Variants in PIP5K1B observed in about 807,000 individuals in gnomAD.
PIP5K1B encodes the protein phosphatidylinositol 4-phosphate 5-kinase type-1 beta.
Under a neutral mutation model 67.0 loss-of-function variants are expected in PIP5K1B, and 42 were observed. The observed-to-expected ratio is 0.63, with a 90% confidence interval of 0.49 to 0.81. The LOEUF (loss-of-function observed/expected upper bound fraction) is 0.81, where lower values mean the gene tolerates loss of function less well. Ranked by LOEUF, PIP5K1B falls within the 30% of genes least tolerant of loss-of-function variation. PIP5K1B has a pLI of 0.00. For missense variants in PIP5K1B, 459 were observed against 646.3 expected (o/e 0.71, Z 3.14); for synonymous variants, 214 against 231.4 (o/e 0.92, Z 0.68).
intron 2 of PIP5K1B, chr9:68,781,072 T>G (rs769533563): frequency 1.9e-6 from 3 of 1,571,818 alleles, no homozygotes; most frequent in Non-Finnish European, 2.6e-6. Flanking sequence ...AGAGAGAGAA[T>G]AATCTAGTTG....
intron 14 of PIP5K1B, among the ~76,000 whole-genome samples, chr9:68,955,233 C>T (rs1007635672): frequency 6.6e-6 from 1 of 152,204 alleles, no homozygotes; most frequent in African/African-American, 2.4e-5. Context: ...TTGAGATGCC[C>T]ATGCTTGACT....
rs772335388 is a variant in PIP5K1B, at chr9:68,873,281, C to CTT, written c.201-3377_201-3376dup. On this transcript the variant is annotated intron_variant, in intron 5 of 15. Transcript: ENST00000265382. ...TATTTTTTTAAGTTAACTTTCTGAT[C>CTT]TTTTTTTTTTTTTTTTTTTTGTCTG... Among the ~76,000 whole-genome samples the CTT allele has an allele frequency of 3.2e-3, 293 of 90,640 alleles. 11 individuals carry two copies. Among genetic ancestry groups the CTT allele is most frequent in the African/African-American group, 7.9e-3 (178 of 22,510 alleles). The allele number at this position is 90,640 out of a possible 152,430, so 59.5% of individuals were successfully genotyped here.
chr9:68,922,495 G>A (rs1174921709), intron 11 of PIP5K1B, among the ~76,000 whole-genome samples: 1 of 113,588 alleles, frequency 8.8e-6, no homozygotes, highest in African/African-American at 3.0e-5. Flanking sequence ...GAATCCATAA[G>A]CCTGAATTCA....
intron 5 of PIP5K1B, among the ~76,000 whole-genome samples, chr9:68,866,316 A>T (rs1324934935): frequency 6.6e-6 from 1 of 151,790 alleles, no homozygotes; most frequent in African/African-American, 2.4e-5. Context: ...AAAAGAAAAA[A>T]ATTACCTCCC....
chr9:68,802,689 T>A (rs925436816), intron 2 of PIP5K1B, among the ~76,000 whole-genome samples: 1 of 151,588 alleles, frequency 6.6e-6, no homozygotes, highest in Non-Finnish European at 1.5e-5. Context: ...AGCCTGAGAG[T>A]GAAGGGGATG....
chr9:68,941,230 G>A (rs1827545721), intron 14 of PIP5K1B: 1 of 399,452 alleles, frequency 2.5e-6, no homozygotes, highest in African/African-American at 2.1e-5. Context: ...CCTAATTCCT[G>A]TAACCTGTGA....
At chr9:68,794,270 C>T (rs993494222) in intron 2 of PIP5K1B, among the ~76,000 whole-genome samples, 2 of 152,088 alleles carry the variant, frequency 1.3e-5, no homozygotes, top group Admixed American at 1.3e-4. Context: ...GGAACTGAAG[C>T]GAAAGGTCAT....
chr9:68,925,317 A>ATG (rs200791685), intron 12 of PIP5K1B, among the ~76,000 whole-genome samples: 4 of 151,912 alleles, frequency 2.6e-5, no homozygotes, highest in Admixed American at 6.6e-5. Context: ...GTAACTGCGC[A>ATG]GATAGATTGT....
chr9:68,936,597 T>G (rs1025340390), intron 13 of PIP5K1B, among the ~76,000 whole-genome samples: 10 of 152,188 alleles, frequency 6.6e-5, no homozygotes, highest in Admixed American at 1.3e-4. Context: ...TCAGAGTCTT[T>G]AAGATGTGGT....
At chr9:68,933,641 T>TA in intron 12 of PIP5K1B, among the ~76,000 whole-genome samples, 1 of 152,254 alleles carries the variant, frequency 6.6e-6, no homozygotes, top group South Asian at 2.1e-4. Flanking sequence ...TTTCTGGGCC[T>TA]AAAAAAGGGC....
intron 6 of PIP5K1B, among the ~76,000 whole-genome samples, chr9:68,879,655 A>T (rs542548557): frequency 6.6e-6 from 1 of 152,312 alleles, no homozygotes; most frequent in East Asian, 1.9e-4. Context: ...CATGGTGACT[A>T]TAGGTAATAA....
At chr9:68,975,462 G>A (rs1829592673) in intron 14 of PIP5K1B, among the ~76,000 whole-genome samples, 1 of 152,188 alleles carries the variant, frequency 6.6e-6, no homozygotes, top group Non-Finnish European at 1.5e-5. Context: ...CTTCCTAAAA[G>A]TTAAGGTGTT....
chr9:68,762,342 T>C (rs1398548270), intron 2 of PIP5K1B, among the ~76,000 whole-genome samples: 1 of 152,158 alleles, frequency 6.6e-6, no homozygotes, highest in African/African-American at 2.4e-5. Flanking sequence ...GGAATGTTGT[T>C]TTTCTGAATA....
chr9:68,972,272 G>T (rs938182721), intron 14 of PIP5K1B, among the ~76,000 whole-genome samples: 1 of 152,106 alleles, frequency 6.6e-6, no homozygotes, highest in African/African-American at 2.4e-5. Context: ...GTTTTTGTCA[G>T]GTTTGTCAAA....
chr9:68,891,971 C>T (rs1248652931), intron 7 of PIP5K1B, among the ~76,000 whole-genome samples: 1 of 151,924 alleles, frequency 6.6e-6, no homozygotes, highest in Non-Finnish European at 1.5e-5. Context: ...AAGTGGAAAA[C>T]ATAAACAATC....
intron 8 of PIP5K1B, among the ~76,000 whole-genome samples, chr9:68,916,900 G>A (rs962793029): frequency 1.3e-5 from 2 of 151,404 alleles, no homozygotes; most frequent in Admixed American, 1.3e-4. Context: ...GAGGTTTTGA[G>A]AAGAAGACCA....
At chr9:68,900,719 C>T (rs990002247) in intron 8 of PIP5K1B, among the ~76,000 whole-genome samples, 3 of 151,960 alleles carry the variant, frequency 2.0e-5, no homozygotes, top group Admixed American at 6.6e-5. Flanking sequence ...TTTGTTGAGC[C>T]GCATGTTATT....
chr9:68,930,715 A>T (rs1414227839), intron 12 of PIP5K1B, among the ~76,000 whole-genome samples: 2 of 152,090 alleles, frequency 1.3e-5, no homozygotes, highest in Non-Finnish European at 2.9e-5. Flanking sequence ...AGTTTAAAAT[A>T]TAAATCTGCT....
At chr9:68,864,073 G>GC in intron 5 of PIP5K1B, 106 bp downstream of exon 5, 1 of 996,366 alleles carries the variant, frequency 1.0e-6, no homozygotes. Context: ...ATGTACAGAT[G>GC]TGAATATTGG....
Sources: allele counts gnomAD v4.1 joint callset (sites outside exome capture counted in the v4.1 genomes callset), GRCh38; gene constraint gnomAD v4.1.1; transcripts MANE v1.5; gene names NCBI Gene and HGNC (gene_info 2026-07-23, HGNC 2026-07-21).